The following FGF12 variants were observed in gnomAD, a reference collection of about 807,000 sequenced individuals.
FGF12 encodes fibroblast growth factor 12.
FGF12 carries 14 observed loss-of-function variants against 23.6 expected under a neutral mutation model. That is an observed-to-expected ratio of 0.59 (90% CI 0.39 to 0.93). FGF12 has a LOEUF of 0.93. Among genes scored for constraint, FGF12 ranks in the 40% least tolerant of loss-of-function variants. The pLI is 0.00. For missense variants in FGF12, 175 were observed against 217.8 expected (o/e 0.80, Z 1.24); for synonymous variants, 62 against 77.3 (o/e 0.80, Z 1.04).
intron 2 of FGF12, among the ~76,000 whole-genome samples, chr3:192,435,794 T>C (rs1722005863): frequency 1.3e-5 from 2 of 152,248 alleles, no homozygotes; most frequent in Admixed American, 6.5e-5. Flanking sequence ...GGATACAATC[T>C]GCTTCTGTCG....
intron 4 of FGF12, among the ~76,000 whole-genome samples, chr3:192,260,233 G>A (rs1406172802): frequency 6.6e-6 from 1 of 152,086 alleles, no homozygotes; most frequent in Non-Finnish European, 1.5e-5. Flanking sequence ...GGTAGTTTAG[G>A]CAAGTGTATA....
chr3:192,583,490 A>G (rs2108616072), intron 2 of FGF12, among the ~76,000 whole-genome samples: 1 of 152,346 alleles, frequency 6.6e-6, no homozygotes, highest in African/African-American at 2.4e-5. Flanking sequence ...TGAATTGACA[A>G]GAACAGTTTC....
intron 4 of FGF12, among the ~76,000 whole-genome samples, chr3:192,324,078 C>A (rs573622421): frequency 1.3e-5 from 2 of 151,554 alleles, no homozygotes; most frequent in South Asian, 2.1e-4. Context: ...GGCGACAGAG[C>A]GAGACTGTCT....
chr3:192,389,397 G>C (rs569689204), intron 2 of FGF12, among the ~76,000 whole-genome samples: 1 of 152,280 alleles, frequency 6.6e-6, no homozygotes, highest in East Asian at 1.9e-4. Flanking sequence ...ATCTTCCCCT[G>C]AGGTCTGGGA....
chr3:192,510,299 T>C (rs528440846), intron 2 of FGF12, among the ~76,000 whole-genome samples: 1 of 152,286 alleles, frequency 6.6e-6, no homozygotes, highest in South Asian at 2.1e-4. Flanking sequence ...AACAACCTGA[T>C]TTAAAACTGG....
intron 2 of FGF12, among the ~76,000 whole-genome samples, chr3:192,500,444 AC>A (rs34965211): frequency 6.6e-6 from 1 of 151,708 alleles, no homozygotes; most frequent in South Asian, 2.1e-4. Flanking sequence ...ACATCCCCCC[AC>A]CCGCCACACA....
chr3:192,451,827 G>A (rs909718805), intron 2 of FGF12, among the ~76,000 whole-genome samples: 1 of 152,196 alleles, frequency 6.6e-6, no homozygotes, highest in Non-Finnish European at 1.5e-5. Flanking sequence ...TTCCGCTACT[G>A]ACGGAACCTG....
intron 2 of FGF12, among the ~76,000 whole-genome samples, chr3:192,370,212 G>A (rs1719163223): frequency 6.6e-6 from 1 of 152,168 alleles, no homozygotes; most frequent in Non-Finnish European, 1.5e-5. Flanking sequence ...TTAAGTCAAT[G>A]ATGTCCAAAC....
At chr3:192,347,278 A>G (rs986354678) in intron 3 of FGF12, among the ~76,000 whole-genome samples, 4 of 152,178 alleles carry the variant, frequency 2.6e-5, no homozygotes, top group African/African-American at 9.7e-5. Context: ...TTGCTGCTCA[A>G]AGTGTGAACA....
At chr3:192,399,293 C>T (rs1021875516) in intron 2 of FGF12, among the ~76,000 whole-genome samples, 13 of 152,104 alleles carry the variant, frequency 8.5e-5, no homozygotes, top group African/African-American at 2.9e-4. Flanking sequence ...ACAAAAGAGA[C>T]CCCAGGGAGC....
At chr3:192,211,716 C>A (rs181451224) in intron 4 of FGF12, among the ~76,000 whole-genome samples, 54 of 152,098 alleles carry the variant, frequency 3.6e-4, no homozygotes, top group African/African-American at 1.3e-3. Context: ...TGTGAGCCAC[C>A]GTGACTGGCC....
chr3:192,499,510 ATATATAT>A (rs1724061373), intron 2 of FGF12, among the ~76,000 whole-genome samples: 1 of 37,868 alleles, frequency 2.6e-5, no homozygotes, highest in African/African-American at 1.3e-4. Context: ...ATATATATAT[ATATATAT>A]TTTTTTTTTT....
At chr3:192,159,960 G>A (rs950793029) in intron 5 of FGF12, among the ~76,000 whole-genome samples, 189 of 151,352 alleles carry the variant, frequency 1.2e-3, no homozygotes, top group Non-Finnish European at 1.5e-3. Context: ...GTGTGTGTGT[G>A]TGTGTGTGTG....
chr3:192,456,068 T>C (rs1395138382), intron 2 of FGF12, among the ~76,000 whole-genome samples: 4 of 152,198 alleles, frequency 2.6e-5, no homozygotes, highest in South Asian at 4.1e-4. Flanking sequence ...GAAAAGATGA[T>C]TGATACATTA....
chr3:192,617,001 A>G (rs1258996872), intron 2 of FGF12, among the ~76,000 whole-genome samples: 1 of 151,978 alleles, frequency 6.6e-6, no homozygotes, highest in Non-Finnish European at 1.5e-5. Flanking sequence ...CATGGAAGAG[A>G]GGTTAAAAGT....
At chr3:192,264,065 C>T (rs1429479734) in intron 4 of FGF12, among the ~76,000 whole-genome samples, 1 of 151,986 alleles carries the variant, frequency 6.6e-6, no homozygotes, top group East Asian at 1.9e-4. Flanking sequence ...ACTGTTTTCC[C>T]CTAGGAAAAA....
intron 4 of FGF12, among the ~76,000 whole-genome samples, chr3:192,251,466 C>G (rs186795777): frequency 1.1e-4 from 16 of 152,264 alleles, no homozygotes; most frequent in Admixed American, 9.8e-4. Context: ...TAGCCTATGA[C>G]TGTGCAATTC....
intron 4 of FGF12, among the ~76,000 whole-genome samples, chr3:192,244,511 A>AAGT (rs1240036684): frequency 6.6e-6 from 1 of 152,134 alleles, no homozygotes; most frequent in Non-Finnish European, 1.5e-5. Flanking sequence ...TATAAGCAAA[A>AAGT]AGTAATAATA....
At position 192,514,267 on chromosome 3, in the gene FGF12, T is replaced by G. The variant is rs543069043; in HGVS notation, c.14-153729A>C. 6.6e-6 allele frequency among the ~76,000 whole-genome samples: 1 copy of G among 152,272 alleles called. No individual in the cohort carries two copies. Among genetic ancestry groups the G allele is most frequent in the East Asian group, 1.9e-4 (1 of 5,170 alleles). On this transcript the variant is annotated intron_variant, in intron 2 of 5. Coordinates refer to ENST00000445105, the MANE Select transcript of FGF12 (RefSeq NM_004113.6). This position sits in a 1 kb window ranked among gnomAD's most constrained non-coding sequence, Gnocchi z 4.9. ...GCCTTGCCAGCCATCTGTTTAAAAG[T>G]CCCCTCTCCTGTGGAACGCACGAGC...
Sources: gnomAD v4.1 joint callset for allele counts (sites outside exome capture counted in the v4.1 genomes callset) on GRCh38, gnomAD v4.1.1 for gene constraint, Gnocchi (gnomAD v3.1) non-coding constraint, MANE v1.5 for transcripts, NCBI Gene and HGNC (gene_info 2026-07-23, HGNC 2026-07-21) for gene names.